Variants in KAT6B observed in about 807,000 individuals in gnomAD.
The protein encoded by KAT6B is lysine acetyltransferase 6B, also known as histone acetyltransferase KAT6B.
Under a neutral mutation model 187.5 loss-of-function variants are expected in KAT6B, and 10 were observed. That is an observed-to-expected ratio of 0.05 (90% CI 0.03 to 0.09). KAT6B has a LOEUF of 0.09. Among genes scored for constraint, KAT6B ranks in the 10% least tolerant of loss-of-function variants. KAT6B has a pLI of 1.00. For synonymous variants in KAT6B, 861 were observed against 926.8 expected, an observed-to-expected ratio of 0.93 and a Z score of 1.29; for missense variants, 1,952 against 2,558.9, an observed-to-expected ratio of 0.76 and a Z score of 5.12.
At chr10:74,894,672 G>GT (rs1429465112) in intron 3 of KAT6B, among the ~76,000 whole-genome samples, 3 of 152,020 alleles carry the variant, frequency 2.0e-5, no homozygotes, top group African/African-American at 7.2e-5. Flanking sequence ...TGCAGTATTT[G>GT]TTTTTTTCTT....
Position 75,025,086 on chromosome 10 carries a change from G to A in KAT6B, c.3501G>A (p.Arg1167=), listed in dbSNP as rs763653177. ...NEPFDNSDEE[R]PMPQLEPTCE... ...CCTTTGACAACTCAGATGAAGAGAG[G>A]CCAATGCCACAGCTGGAGCCTACCT... Residue 1167 remains arginine (R), a synonymous_variant, in exon 17 of 18, where the codon AGG becomes AGA. Transcript: ENST00000287239. 6.2e-7 allele frequency: 1 copy of A among 1,614,246 alleles called. No homozygotes were observed.
At chr10:74,843,821 A>G (rs928869393) in intron 3 of KAT6B, among the ~76,000 whole-genome samples, 8 of 152,152 alleles carry the variant, frequency 5.3e-5, no homozygotes, top group African/African-American at 1.4e-4. Flanking sequence ...AGGCCATCGT[A>G]TATTTTTCTC....
Position 75,028,883 on chromosome 10 carries a change from G to A in KAT6B, c.4059G>A (p.Glu1353=). Residue 1353 remains glutamate, a synonymous_variant, in exon 18 of 18, where the codon GAG becomes GAA. Coordinates refer to ENST00000287239, the MANE Select transcript of KAT6B (RefSeq NM_012330.4). ...ATGATCTCATCAAACCTGAGGAAGAGGAAGAGGAGGAGGAGGAGGAAGAGG... is the reference window on the plus strand; with the variant it reads ...ATGATCTCATCAAACCTGAGGAAGAAGAAGAGGAGGAGGAGGAGGAAGAGG... ...PEDDLIKPEE[E]EEEEEEEEEE... is the part of the protein sequence containing the mutation. The A allele has an allele frequency of 6.2e-7, 1 of 1,613,266 alleles. No individual in the cohort carries two copies. The highest frequency in any genetic ancestry group is 1.6e-4 in the Middle Eastern group (1 of 6,062).
At chr10:74,986,419 T>C (rs1034333499) in intron 12 of KAT6B, among the ~76,000 whole-genome samples, 5 of 152,226 alleles carry the variant, frequency 3.3e-5, no homozygotes, top group Admixed American at 1.3e-4. Context: ...TTTTAATGAA[T>C]CTGCTCTTGC....
intron 3 of KAT6B, among the ~76,000 whole-genome samples, chr10:74,888,496 A>G (rs933081376): frequency 6.6e-6 from 1 of 152,248 alleles, no homozygotes; most frequent in Non-Finnish European, 1.5e-5. Flanking sequence ...GCTTAACTTC[A>G]TTAATAATTA....
intron 13 of KAT6B, among the ~76,000 whole-genome samples, chr10:75,018,018 A>C: frequency 6.6e-6 from 1 of 152,080 alleles, no homozygotes; most frequent in East Asian, 1.9e-4. Context: ...AGAGGGAAAA[A>C]CCCACTGCAA....
intron 3 of KAT6B, among the ~76,000 whole-genome samples, chr10:74,875,019 G>A (rs1025134441): frequency 4.6e-5 from 7 of 152,052 alleles, no homozygotes; most frequent in Admixed American, 3.9e-4. Flanking sequence ...CATTGTAATT[G>A]CACAGCCTTA....
chr10:74,825,999 G>A (rs1840175397), upstream of KAT6B, among the ~76,000 whole-genome samples: 1 of 152,092 alleles, frequency 6.6e-6, no homozygotes, highest in Non-Finnish European at 1.5e-5. The surrounding 1 kb of genome is among the most constrained non-coding windows in gnomAD (Gnocchi z 5.0). Context: ...CTCCACCGAA[G>A]GAGCTGGCGA....
chr10:74,903,558 A>G (rs1223599928), intron 3 of KAT6B, among the ~76,000 whole-genome samples: 1 of 152,234 alleles, frequency 6.6e-6, no homozygotes, highest in Admixed American at 6.5e-5. Context: ...TACAACCGCT[A>G]GGAACCGAAT....
intron 3 of KAT6B, among the ~76,000 whole-genome samples, chr10:74,861,077 C>T (rs1025441998): frequency 3.3e-5 from 5 of 151,534 alleles, no homozygotes; most frequent in Non-Finnish European, 7.4e-5. Context: ...GTGGAGGTTG[C>T]GGGAGCTGAG....
rs558172089 is a variant in KAT6B at position 74,838,733 on chromosome 10, C to A, written c.-278C>A. The A allele has an allele frequency of 1.3e-5, 2 of 152,092 alleles. No individual in the cohort carries two copies. The highest frequency in any genetic ancestry group is 4.8e-5 in the African/African-American group (2 of 41,392). The allele number at this position is 152,092 out of a possible 1,614,324, so 9.4% of individuals were successfully genotyped here. On this transcript the variant is annotated 5_prime_UTR_variant, in exon 2 of 18. Coordinates refer to ENST00000287239, the MANE Select transcript of KAT6B (RefSeq NM_012330.4). The stretch of plus-strand genomic sequence containing the variant: ...CCATTTTTGTCATGGACTGTTAAAA[C>A]GTTTGAAGTTCCAATTCTGGTACTT...
At chr10:74,895,529 T>C (rs1190317016) in intron 3 of KAT6B, among the ~76,000 whole-genome samples, 1 of 152,092 alleles carries the variant, frequency 6.6e-6, no homozygotes, top group Non-Finnish European at 1.5e-5. Context: ...CAAAACGCTC[T>C]TCTTCTTAAT....
At chr10:74,854,227 G>C (rs1842675547) in intron 3 of KAT6B, among the ~76,000 whole-genome samples, 2 of 152,190 alleles carry the variant, frequency 1.3e-5, no homozygotes, top group African/African-American at 4.8e-5. Context: ...GGCCAAGAGG[G>C]AAGTATGTTT....
intron 3 of KAT6B, among the ~76,000 whole-genome samples, chr10:74,942,147 C>T (rs1401853047): frequency 6.6e-6 from 1 of 152,036 alleles, no homozygotes; most frequent in Non-Finnish European, 1.5e-5. Flanking sequence ...GAGATTTTGT[C>T]TCAAGAAATA....
chr10:74,850,431 T>C (rs2132159175), intron 3 of KAT6B, among the ~76,000 whole-genome samples: 1 of 152,336 alleles, frequency 6.6e-6, no homozygotes, highest in East Asian at 1.9e-4. Flanking sequence ...GCATGACTGC[T>C]AGGAGGAATA....
chr10:74,878,761 G>A (rs543832831), intron 3 of KAT6B, among the ~76,000 whole-genome samples: 1 of 152,266 alleles, frequency 6.6e-6, no homozygotes, highest in Admixed American at 6.5e-5. Context: ...CAAGCTACAG[G>A]GATCAGAGGT....
At chr10:74,935,277 A>G (rs1849173593) in intron 3 of KAT6B, among the ~76,000 whole-genome samples, 3 of 6,580 alleles carry the variant, frequency 4.6e-4, no homozygotes, top group Non-Finnish European at 1.3e-3. Context: ...TTACATACAC[A>G]CACATATATA....
Position 75,031,072 on chromosome 10 carries a change from A to T in KAT6B, c.*26A>T. The T allele has an allele frequency of 6.2e-7, 1 of 1,612,764 alleles. No individual in the cohort carries two copies. On this transcript the variant is annotated 3_prime_UTR_variant, in exon 18 of 18. Coordinates refer to ENST00000287239, the MANE Select transcript of KAT6B (RefSeq NM_012330.4). ...ACAACGTGGGCAGTCCACAAAACCT[A>T]CGGGGCATCACTATTGGATTGATCT...
intron 3 of KAT6B, among the ~76,000 whole-genome samples, chr10:74,845,922 G>A (rs1011504185): frequency 2.0e-5 from 3 of 150,912 alleles, no homozygotes; most frequent in Non-Finnish European, 4.4e-5. Flanking sequence ...GGAGTGCAGT[G>A]GTGTCACCTC....
Sources: allele counts gnomAD v4.1 joint callset (sites outside exome capture counted in the v4.1 genomes callset), GRCh38; gene constraint gnomAD v4.1.1; non-coding constraint Gnocchi (gnomAD v3.1); transcripts MANE v1.5; gene names NCBI Gene and HGNC (gene_info 2026-07-23, HGNC 2026-07-21).